ZNF804B: variants seen among roughly 807,000 people sequenced by gnomAD.
ZNF804B encodes zinc finger protein 804B, also known as zinc finger 804B.
Under a neutral mutation model 101.4 loss-of-function variants are expected in ZNF804B, and 80 were observed. That is an observed-to-expected ratio of 0.79 (90% CI 0.66 to 0.95). The LOEUF is 0.95. Among genes scored for constraint, ZNF804B ranks in the 40% least tolerant of loss-of-function variants. The probability of loss-of-function intolerance (pLI) is 0.00; values close to 1 mark genes in which losing one functional copy is unlikely to be tolerated. For synonymous variants in ZNF804B, 622 were observed against 558.8 expected, an observed-to-expected ratio of 1.11 and a Z score of -1.59; for missense variants, 1,673 against 1,561.9, an observed-to-expected ratio of 1.07 and a Z score of -1.20.
At chr7:88,962,079 A>G (rs957274492) in intron 1 of ZNF804B, among the ~76,000 whole-genome samples, 13 of 151,408 alleles carry the variant, frequency 8.6e-5, no homozygotes, top group African/African-American at 3.1e-4. Flanking sequence ...TATTGTCAAA[A>G]TGGTATTCGA....
At chr7:89,021,056 A>G (rs1029643512) in intron 1 of ZNF804B, among the ~76,000 whole-genome samples, 1 of 152,166 alleles carries the variant, frequency 6.6e-6, no homozygotes, top group African/African-American at 2.4e-5. Context: ...CCCTACACTG[A>G]TATCTATACA....
chr7:89,250,859 C>T (rs965969775), intron 2 of ZNF804B, among the ~76,000 whole-genome samples: 7 of 152,056 alleles, frequency 4.6e-5, no homozygotes, highest in African/African-American at 7.2e-5. Context: ...TCTCAATAGA[C>T]GTGAGAAAAA....
chr7:88,951,453 C>T (rs1296679919), intron 1 of ZNF804B, among the ~76,000 whole-genome samples: 1 of 151,838 alleles, frequency 6.6e-6, no homozygotes, highest in Non-Finnish European at 1.5e-5. Flanking sequence ...TACATACACA[C>T]ACATGCGCGT....
intron 1 of ZNF804B, among the ~76,000 whole-genome samples, chr7:89,015,325 T>C (rs1788530437): frequency 6.6e-6 from 1 of 151,380 alleles, no homozygotes; most frequent in Non-Finnish European, 1.5e-5. Flanking sequence ...TTAATTATTT[T>C]ATTTTTATTT....
At chr7:89,276,324 A>G (rs568167603) in intron 2 of ZNF804B, among the ~76,000 whole-genome samples, 1 of 151,988 alleles carries the variant, frequency 6.6e-6, no homozygotes, top group South Asian at 2.1e-4. Context: ...CTGGAACTTA[A>G]AATAAAAATT....
At chr7:89,151,628 G>C (rs1256815411) in intron 1 of ZNF804B, among the ~76,000 whole-genome samples, 1 of 151,744 alleles carries the variant, frequency 6.6e-6, no homozygotes, top group Non-Finnish European at 1.5e-5. Flanking sequence ...ATGTAAAACT[G>C]CTACATATTC....
In ZNF804B at chr7:89,269,658, G is replaced by C. The variant is rs1789853144; in HGVS notation, c.249+51363G>C. Among the ~76,000 whole-genome samples the C allele has an allele frequency of 5.3e-5, 8 of 152,268 alleles. No individual in the cohort carries two copies. In the South Asian group the frequency reaches 1.7e-3, roughly 32 times the overall value. ...CGCCACACTGACTTCCACAATGGTT[G>C]AACTAGTTTACAGTCCCACCAATAG... On this transcript the variant is annotated intron_variant, in intron 2 of 3. Transcript: ENST00000333190.
At chr7:88,949,034 G>T (rs1315348780) in intron 1 of ZNF804B, among the ~76,000 whole-genome samples, 2 of 150,854 alleles carry the variant, frequency 1.3e-5, no homozygotes, top group Admixed American at 6.6e-5. Context: ...GAAAGCGTTG[G>T]TGTGTTTTTT....
rs145006549 is a variant in ZNF804B at position 88,767,655 on chromosome 7, A to C, written c.108+7571A>C. 4.1e-3 allele frequency among the ~76,000 whole-genome samples: 630 copies of C among 152,280 alleles called. 4 individuals carry two copies. Among genetic ancestry groups the C allele is most frequent in the African/African-American group, 0.015 (605 of 41,556 alleles). ...AAGGAAGAGGCATGGAGGTGGCCAT[A>C]TTACTTGCATTCACATTCTCTAAAA... On this transcript the variant is annotated intron_variant, in intron 1 of 3. Coordinates refer to ENST00000333190, the MANE Select transcript of ZNF804B (RefSeq NM_181646.5).
chr7:89,307,512 T>G (rs1790583564), intron 2 of ZNF804B, among the ~76,000 whole-genome samples: 1 of 152,046 alleles, frequency 6.6e-6, no homozygotes. Flanking sequence ...CACGTATTTA[T>G]GAAATATATT....
At chr7:89,148,960 A>G (rs537484587) in intron 1 of ZNF804B, among the ~76,000 whole-genome samples, 1 of 152,194 alleles carries the variant, frequency 6.6e-6, no homozygotes, top group Non-Finnish European at 1.5e-5. Context: ...GAGAATTATG[A>G]GGCTCTTTCA....
At chr7:88,923,004 C>T (rs1792744007) in intron 1 of ZNF804B, among the ~76,000 whole-genome samples, 1 of 151,990 alleles carries the variant, frequency 6.6e-6, no homozygotes, top group Admixed American at 6.6e-5. Context: ...CAAAATAACT[C>T]ATAGAGAAGC....
At chr7:88,801,158 C>T (rs1396181725) in intron 1 of ZNF804B, among the ~76,000 whole-genome samples, 1 of 151,894 alleles carries the variant, frequency 6.6e-6, no homozygotes, top group Non-Finnish European at 1.5e-5. Flanking sequence ...CCACCCAGCA[C>T]CCCAAAAGCC....
At chr7:89,049,654 A>T (rs933928497) in intron 1 of ZNF804B, among the ~76,000 whole-genome samples, 7 of 145,568 alleles carry the variant, frequency 4.8e-5, no homozygotes, top group Non-Finnish European at 9.0e-5. Context: ...GACAGAAATT[A>T]AAAAAAAAAA....
At chr7:88,966,458 C>T (rs2116101237) in intron 1 of ZNF804B, among the ~76,000 whole-genome samples, 1 of 151,586 alleles carries the variant, frequency 6.6e-6, no homozygotes, top group East Asian at 2.0e-4. Context: ...CCAAGTATGA[C>T]CTGTAGTTTT....
At chr7:89,205,422 A>G (rs569386111) in intron 1 of ZNF804B, among the ~76,000 whole-genome samples, 2 of 152,330 alleles carry the variant, frequency 1.3e-5, no homozygotes, top group East Asian at 3.9e-4. Flanking sequence ...TTCACCTATG[A>G]TCCTGTAAAA....
chr7:89,282,018 G>A (rs1015302321), intron 2 of ZNF804B, among the ~76,000 whole-genome samples: 11 of 151,618 alleles, frequency 7.3e-5, no homozygotes, highest in African/African-American at 2.4e-4. Context: ...CGGCTAAAAC[G>A]GTGAAACCCC....
intron 2 of ZNF804B, among the ~76,000 whole-genome samples, chr7:89,319,770 A>C (rs1247380130): frequency 6.6e-6 from 1 of 152,194 alleles, no homozygotes; most frequent in Non-Finnish European, 1.5e-5. Context: ...CTATATGCAA[A>C]TCAGGTACTT....
chr7:88,764,575 T>A (rs1789951747), intron 1 of ZNF804B, among the ~76,000 whole-genome samples: 1 of 152,112 alleles, frequency 6.6e-6, no homozygotes, highest in South Asian at 2.1e-4. Flanking sequence ...CAAATGTATA[T>A]CTATAAATGA....
Sources: gnomAD v4.1 joint callset for allele counts (sites outside exome capture counted in the v4.1 genomes callset) on GRCh38, gnomAD v4.1.1 for gene constraint, MANE v1.5 for transcripts, NCBI Gene and HGNC (gene_info 2026-07-23, HGNC 2026-07-21) for gene names.